The following PPP1R3A variants were observed in gnomAD, a reference collection of about 807,000 sequenced individuals.
PPP1R3A encodes the protein protein phosphatase 1 regulatory subunit 3A, also known as RG1.
Under a neutral mutation model 41.7 loss-of-function variants are expected in PPP1R3A, and 29 were observed. The ratio of observed to expected loss-of-function variants is 0.70; its 90% confidence interval spans 0.52 to 0.95. The LOEUF is 0.95. PPP1R3A is among the 40% of genes least tolerant of loss of function. The pLI is 0.00. For missense variants in PPP1R3A, 1,352 were observed against 1,292.4 expected (o/e 1.05, Z -0.71); for synonymous variants, 485 against 453.4 (o/e 1.07, Z -0.89).
intron 1 of PPP1R3A, among the ~76,000 whole-genome samples, chr7:113,903,179 G>A (rs1178667381): frequency 1.3e-5 from 2 of 151,532 alleles, no homozygotes; most frequent in South Asian, 4.2e-4. Context: ...TTTTTCACTA[G>A]GTAAAAGTGT....
intron 1 of PPP1R3A, 132 bp from the exon 2 acceptor site, chr7:113,882,452 C>G (rs1323036893): frequency 1.7e-6 from 1 of 599,408 alleles, no homozygotes; most frequent in African/African-American, 1.9e-5. Context: ...TCCTATATTA[C>G]TTGGGATGTT....
intron 1 of PPP1R3A, among the ~76,000 whole-genome samples, chr7:113,903,838 T>G (rs1383713990): frequency 6.6e-6 from 1 of 151,710 alleles, no homozygotes; most frequent in East Asian, 1.9e-4. Context: ...TTTCAGACAG[T>G]GTGATTAATA....
Position 113,878,372 on chromosome 7 carries a change from T to C in PPP1R3A, c.2720A>G (p.Asn907Ser), listed in dbSNP as rs1225563372. ...AGGAGAGCTATTCTGAGGAGCTCTATTAGTGTCTGAGTTAAAAGCAGAATG... is the reference window on the plus strand; with the variant it reads ...AGGAGAGCTATTCTGAGGAGCTCTACTAGTGTCTGAGTTAAAAGCAGAATG... ...IVHSAFNSDT[N>S]RAPQNSSPFS... Residue 907 changes from asparagine (N) to serine (S), a missense_variant, in exon 4 of 4, where the codon AAT becomes AGT. Physicochemically the swap from Asn to Ser is conservative, Grantham distance 46 (BLOSUM62 1). Coordinates refer to ENST00000284601, the MANE Select transcript of PPP1R3A (RefSeq NM_002711.4). The C allele has an allele frequency of 1.2e-6, 2 of 1,612,326 alleles. No homozygotes were observed. Among genetic ancestry groups the C allele is most frequent in the South Asian group, 1.1e-5 (1 of 91,060 alleles).
chr7:113,908,097 C>T (rs1797174246), intron 1 of PPP1R3A, among the ~76,000 whole-genome samples: 1 of 151,822 alleles, frequency 6.6e-6, no homozygotes, highest in South Asian at 2.1e-4. Flanking sequence ...CACTAGGGGT[C>T]CTGTTGAACT....
Position 113,878,665 on chromosome 7 carries a change from A to G in PPP1R3A, c.2427T>C (p.Ile809=), listed in dbSNP as rs1796617411. The G allele has an allele frequency of 2.5e-6, 4 of 1,613,420 alleles. No homozygotes were observed. The part of the protein sequence containing the change: ...NDFEKESRLG[I]CNVRVDEMEK... ...CCATTTCATCTACACGTACATTACA[A>G]ATACCTAAACGTGATTCCTTTTCAA... Residue 809 remains isoleucine (I), a synonymous_variant, in exon 4 of 4, where the codon ATT becomes ATC. Transcript: ENST00000284601.
At chr7:113,895,708 A>G (rs1212592754) in intron 1 of PPP1R3A, among the ~76,000 whole-genome samples, 1 of 151,986 alleles carries the variant, frequency 6.6e-6, no homozygotes, top group Non-Finnish European at 1.5e-5. Flanking sequence ...AAATTAATGT[A>G]TCAGGGAAAA....
At position 113,879,498 on chromosome 7, in the gene PPP1R3A, T is replaced by C. The variant is rs1200099470; in HGVS notation, c.1594A>G (p.Lys532Glu). ...IYLGVNEKQR[K>E]NFQTILHDQE... ...TCATGTAAGATTGTTTGGAAATTTTTTCTTTGTTTTTCATTAACACCTAAA... is the reference window on the plus strand; with the variant it reads ...TCATGTAAGATTGTTTGGAAATTTTCTCTTTGTTTTTCATTAACACCTAAA... Residue 532 changes from lysine (K) to glutamate (E), a missense_variant, in exon 4 of 4, where the codon AAA (lysine) becomes GAA (glutamate). Lys to Glu is a moderately conservative substitution (Grantham distance 56, BLOSUM62 1). Coordinates refer to ENST00000284601, the MANE Select transcript of PPP1R3A (RefSeq NM_002711.4). 1.2e-6 allele frequency: 2 copies of C among 1,613,276 alleles called. No individual in the cohort carries two copies. Among genetic ancestry groups the C allele is most frequent in the South Asian group, 2.2e-5 (2 of 91,070 alleles).
Position 113,885,908 on chromosome 7 carries a change from T to G in PPP1R3A, c.783-3588A>C, listed in dbSNP as rs1229343215. On this transcript the variant is annotated intron_variant, in intron 1 of 3. Transcript: ENST00000284601. ...ATATGTTAAATATTATATATAGGTA[T>G]ATATAGCTATAACTGTATAATTTAT... is the stretch of plus-strand genomic sequence containing the variant. Among the ~76,000 whole-genome samples the G allele has an allele frequency of 8.7e-5, 13 of 148,666 alleles. No individual in the cohort carries two copies. The East Asian group carries it at 2.6e-3, about 29-fold the overall frequency.
intron 1 of PPP1R3A, among the ~76,000 whole-genome samples, chr7:113,908,576 C>A (rs1797184684): frequency 6.6e-6 from 1 of 151,956 alleles, no homozygotes; most frequent in South Asian, 2.1e-4. Flanking sequence ...CTTGTAGATA[C>A]AATATTAACC....
rs79478899 is a variant in PPP1R3A, at chr7:113,914,430, C to T, written c.782+3785G>A. ...ATTAAATGTGGAAATTTTAACATTC[C>T]TAAGTTCTCTTCCAGCTTTAAGATA... is the stretch of plus-strand genomic sequence containing the variant. On this transcript the variant is annotated intron_variant, in intron 1 of 3. Transcript: ENST00000284601. Among the ~76,000 whole-genome samples the T allele has an allele frequency of 2.8e-3, 423 of 152,184 alleles. 2 individuals carry two copies. Among genetic ancestry groups the T allele is most frequent in the African/African-American group, 9.7e-3 (404 of 41,540 alleles).
At chr7:113,900,308 T>A (rs1252272986) in intron 1 of PPP1R3A, among the ~76,000 whole-genome samples, 1 of 151,654 alleles carries the variant, frequency 6.6e-6, no homozygotes, top group Non-Finnish European at 1.5e-5. Flanking sequence ...AATAATAAAG[T>A]TACAGTTATT....
In PPP1R3A at chr7:113,877,919, T is replaced by C. The variant is rs1353057104; in HGVS notation, c.3173A>G (p.Glu1058Gly). ...AGATTCGTTGCCTTGAGCTTGACTT[T>C]CCTCAACAGGAAGACTAGTAGAAGC... ...SSASTSLPVE[E>G]SQAQGNESLF... is the part of the protein sequence containing the mutation. Residue 1058 changes from glutamate (E) to glycine (G), a missense_variant, in exon 4 of 4, where the codon GAA (glutamate) becomes GGA (glycine). Glu to Gly is a moderately conservative substitution (Grantham distance 98). Coordinates refer to ENST00000284601, the MANE Select transcript of PPP1R3A (RefSeq NM_002711.4). The C allele has an allele frequency of 1.2e-6, 2 of 1,613,230 alleles. No individual in the cohort carries two copies. Among genetic ancestry groups the C allele is most frequent in the Non-Finnish European group, 1.7e-6 (2 of 1,179,548 alleles).
chr7:113,910,415 A>C (rs527322943), intron 1 of PPP1R3A, among the ~76,000 whole-genome samples: 1 of 152,226 alleles, frequency 6.6e-6, no homozygotes, highest in South Asian at 2.1e-4. Flanking sequence ...AATTATAACT[A>C]TATTTACACT....
chr7:113,892,650 C>T (rs937864256), intron 1 of PPP1R3A, among the ~76,000 whole-genome samples: 19 of 151,894 alleles, frequency 1.3e-4, no homozygotes, highest in East Asian at 1.9e-4. Context: ...TGAAGAGAAG[C>T]GCCTGAGGAA....
At chr7:113,880,865 T>C (rs1562917576) in intron 3 of PPP1R3A, among the ~76,000 whole-genome samples, 1 of 152,058 alleles carries the variant, frequency 6.6e-6, no homozygotes, top group Non-Finnish European at 1.5e-5. Flanking sequence ...TTCCACAGAT[T>C]TGGTTGTATT....
intron 1 of PPP1R3A, among the ~76,000 whole-genome samples, chr7:113,892,934 C>T (rs190488533): frequency 6.6e-6 from 1 of 151,928 alleles, no homozygotes; most frequent in African/African-American, 2.4e-5. Flanking sequence ...TTTTTGTGGG[C>T]ATCACATTTC....
At chr7:113,881,740 G>C (rs2129113902) in intron 3 of PPP1R3A, among the ~76,000 whole-genome samples, 1 of 152,064 alleles carries the variant, frequency 6.6e-6, no homozygotes, top group Admixed American at 6.6e-5. Context: ...TTGTCACAAA[G>C]ATTAGAAATG....
intron 1 of PPP1R3A, among the ~76,000 whole-genome samples, chr7:113,916,090 A>G (rs1459631574): frequency 6.6e-6 from 1 of 152,086 alleles, no homozygotes; most frequent in East Asian, 1.9e-4. Context: ...TTGGACTGAA[A>G]TTCAGCACAA....
chr7:113,893,012 TTCTC>T (rs917809463), intron 1 of PPP1R3A, among the ~76,000 whole-genome samples: 4 of 151,928 alleles, frequency 2.6e-5, no homozygotes, highest in Non-Finnish European at 5.9e-5. Flanking sequence ...ATGCTGACCT[TTCTC>T]TCTAACACTC....
Sources: gnomAD v4.1 joint callset for allele counts (sites outside exome capture counted in the v4.1 genomes callset) on GRCh38, gnomAD v4.1.1 for gene constraint, MANE v1.5 for transcripts, NCBI Gene and HGNC (gene_info 2026-07-23, HGNC 2026-07-21) for gene names.